The following FBXW7 variants were observed in gnomAD, a reference collection of about 807,000 sequenced individuals.
The protein encoded by FBXW7 is F-box and WD repeat domain containing 7.
Under a neutral mutation model 86.3 loss-of-function variants are expected in FBXW7, and 11 were observed. The ratio of observed to expected loss-of-function variants is 0.13; its 90% CI spans 0.08 to 0.21. The LOEUF is 0.21. Ranked by LOEUF, FBXW7 falls within the 10% of genes least tolerant of loss-of-function variation. The probability of loss-of-function intolerance (pLI) is 1.00; values close to 1 mark genes in which losing one functional copy is unlikely to be tolerated. For synonymous variants in FBXW7, 313 were observed against 297.9 expected, an observed-to-expected ratio of 1.05 and a Z score of -0.52; for missense variants, 488 against 847.4, an observed-to-expected ratio of 0.58 and a Z score of 5.27.
At chr4:152,476,188 T>C (rs183814110) in intron 2 of FBXW7, among the ~76,000 whole-genome samples, 26 of 152,284 alleles carry the variant, frequency 1.7e-4, no homozygotes, top group African/African-American at 3.6e-4. Flanking sequence ...ATAAGGGCAA[T>C]TGATTTTTGA....
intron 4 of FBXW7, among the ~76,000 whole-genome samples, chr4:152,393,084 G>A (rs921131380): frequency 1.3e-5 from 2 of 152,082 alleles, no homozygotes; most frequent in African/African-American, 4.8e-5. Flanking sequence ...TTTAAGATCT[G>A]AAAAGCCCTT....
intron 2 of FBXW7, among the ~76,000 whole-genome samples, chr4:152,453,609 G>A (rs1742115104): frequency 6.6e-6 from 1 of 152,094 alleles, no homozygotes; most frequent in Non-Finnish European, 1.5e-5. Context: ...GTGGCAGCAG[G>A]TAAGGAGAAA....
At chr4:152,523,124 T>A (rs2149734398) in intron 2 of FBXW7, among the ~76,000 whole-genome samples, 1 of 152,280 alleles carries the variant, frequency 6.6e-6, no homozygotes, top group South Asian at 2.1e-4. Context: ...ACTAGAGTGG[T>A]TCAAAGAAGA....
chr4:152,412,086 C>CT (rs1738018453), intron 3 of FBXW7, among the ~76,000 whole-genome samples: 1 of 152,048 alleles, frequency 6.6e-6, no homozygotes, highest in Non-Finnish European at 1.5e-5. Context: ...CCATAGTAAA[C>CT]AACACTAATC....
intron 4 of FBXW7, among the ~76,000 whole-genome samples, chr4:152,385,271 C>T (rs140920980): frequency 1.4e-3 from 209 of 152,034 alleles, no homozygotes; most frequent in Admixed American, 2.2e-3. Flanking sequence ...ATATATTCTA[C>T]GAGTTTAACA....
chr4:152,338,248 T>C (rs1730362049), intron 6 of FBXW7: 1 of 192,850 alleles, frequency 5.2e-6, no homozygotes, highest in African/African-American at 2.3e-5. Flanking sequence ...CAAAATTTTA[T>C]TCCAGAAACA....
Position 152,480,388 on chromosome 4 carries a change from A to G in FBXW7, c.-120+54553T>C, listed in dbSNP as rs149356703. Among the ~76,000 whole-genome samples, 57 of 152,152 alleles carry G rather than the reference A, an allele frequency of 3.7e-4. No individual in the cohort carries two copies. In the East Asian group the frequency reaches 8.1e-3, roughly 22 times the overall value. ...CTGCTCCAACCACCAGCCAATCCCT[A>G]TCTCTCTCCCTCTCCTCAGACCTCC... On this transcript the variant is annotated intron_variant, in intron 2 of 13. Transcript: ENST00000281708.
chr4:152,511,298 C>CG (rs1747947253), intron 2 of FBXW7, among the ~76,000 whole-genome samples: 1 of 151,080 alleles, frequency 6.6e-6, no homozygotes, highest in South Asian at 2.1e-4. Flanking sequence ...CCCCGCCCCC[C>CG]CCACCGAATC....
At chr4:152,391,008 T>C (rs555942720) in intron 4 of FBXW7, among the ~76,000 whole-genome samples, 9 of 152,132 alleles carry the variant, frequency 5.9e-5, no homozygotes, top group Non-Finnish European at 1.2e-4. Context: ...GTGCTTTAAA[T>C]AGGTAAAATA....
At chr4:152,478,198 T>A (rs1579308905) in intron 2 of FBXW7, among the ~76,000 whole-genome samples, 1 of 152,068 alleles carries the variant, frequency 6.6e-6, no homozygotes, top group Admixed American at 6.6e-5. Flanking sequence ...TCATTCCAAA[T>A]AGAAACTCTA....
intron 2 of FBXW7, among the ~76,000 whole-genome samples, chr4:152,474,706 G>C (rs1391721447): frequency 6.6e-6 from 1 of 152,010 alleles, no homozygotes; most frequent in African/African-American, 2.4e-5. Flanking sequence ...TCTCACTGTT[G>C]CCAGGCTGGA....
intron 4 of FBXW7, among the ~76,000 whole-genome samples, chr4:152,406,712 C>T (rs565818881): frequency 6.6e-6 from 1 of 152,218 alleles, no homozygotes; most frequent in South Asian, 2.1e-4. Flanking sequence ...CTAGGGAGAT[C>T]TGTGGGTAGC....
intron 4 of FBXW7, among the ~76,000 whole-genome samples, chr4:152,383,587 C>T (rs1735279125): frequency 6.6e-6 from 1 of 152,086 alleles, no homozygotes; most frequent in Non-Finnish European, 1.5e-5. Flanking sequence ...TTCCAACAGC[C>T]AGTCAGCTCC....
chr4:152,496,256 C>T (rs897786314), intron 2 of FBXW7, among the ~76,000 whole-genome samples: 6 of 151,984 alleles, frequency 3.9e-5, no homozygotes, highest in Non-Finnish European at 7.4e-5. Flanking sequence ...CAACTTGCTT[C>T]TTAGCAATTT....
At chr4:152,514,331 A>G (rs545618433) in intron 2 of FBXW7, among the ~76,000 whole-genome samples, 1 of 152,308 alleles carries the variant, frequency 6.6e-6, no homozygotes, top group South Asian at 2.1e-4. Context: ...CACACCAAGG[A>G]GCATGAAACA....
chr4:152,349,027 T>C (rs1373864576), intron 5 of FBXW7, among the ~76,000 whole-genome samples: 3 of 152,062 alleles, frequency 2.0e-5, no homozygotes, highest in Non-Finnish European at 4.4e-5. Context: ...ATTATGATGA[T>C]TTTCAAATTT....
At chr4:152,479,812 CGTACAA>C (rs1744723439) in intron 2 of FBXW7, among the ~76,000 whole-genome samples, 1 of 152,120 alleles carries the variant, frequency 6.6e-6, no homozygotes, top group South Asian at 2.1e-4. Flanking sequence ...CCTTTGTAGT[CGTACAA>C]GATTTACAGA....
intron 4 of FBXW7, among the ~76,000 whole-genome samples, chr4:152,393,173 GA>G (rs898137100): frequency 2.0e-5 from 3 of 151,942 alleles, no homozygotes; most frequent in African/African-American, 7.3e-5. Flanking sequence ...AAAAGAAGGT[GA>G]AAAAAATCAA....
intron 4 of FBXW7, chr4:152,382,144 T>C: frequency 1.4e-6 from 2 of 1,419,366 alleles, no homozygotes; most frequent in Non-Finnish European, 1.9e-6. Context: ...GCCAAGGTAC[T>C]TCACTTAAAT....
Sources: gnomAD v4.1 joint callset for allele counts (sites outside exome capture counted in the v4.1 genomes callset) on GRCh38, gnomAD v4.1.1 for gene constraint, MANE v1.5 for transcripts, NCBI Gene and HGNC (gene_info 2026-07-23, HGNC 2026-07-21) for gene names.